The following FHIP1A variants were observed in gnomAD, a reference collection of about 807,000 sequenced individuals.
The protein encoded by FHIP1A is FHF complex subunit HOOK-interacting protein 1A.
A neutral mutation model predicts 88.6 loss-of-function variants in FHIP1A; 61 were observed. The ratio of observed to expected loss-of-function variants is 0.69; its 90% confidence interval spans 0.56 to 0.85. The LOEUF (loss-of-function observed/expected upper bound fraction) is 0.85. Ranked by LOEUF, FHIP1A falls within the 40% of genes least tolerant of loss-of-function variation. The pLI, the probability that FHIP1A is intolerant of heterozygous loss-of-function variation, is 0.00. For missense variants in FHIP1A, 1,154 were observed against 1,273.5 expected, an observed-to-expected ratio of 0.91 and a Z score of 1.43; for synonymous variants, 478 against 496.0, an observed-to-expected ratio of 0.96 and a Z score of 0.48.
intron 3 of FHIP1A, among the ~76,000 whole-genome samples, chr4:151,558,769 G>T (rs1289160498): frequency 6.6e-6 from 1 of 152,164 alleles, no homozygotes; most frequent in African/African-American, 2.4e-5. Context: ...GAACCCTAGG[G>T]TCCCTCAGAC....
intron 7 of FHIP1A, among the ~76,000 whole-genome samples, chr4:151,602,075 T>G (rs1194537479): frequency 1.3e-5 from 2 of 152,056 alleles, no homozygotes; most frequent in Non-Finnish European, 2.9e-5. Flanking sequence ...CATGATTCAT[T>G]TACCTCCCAC....
intron 5 of FHIP1A, 48 bp from the exon 6 acceptor site, chr4:151,586,593 T>G (rs2126805124): frequency 6.7e-7 from 1 of 1,482,048 alleles, no homozygotes; most frequent in East Asian, 2.5e-5. Flanking sequence ...TAATTGCAGG[T>G]TGAGAACTTT....
At chr4:151,651,006 A>T (rs1157213288) in intron 11 of FHIP1A, among the ~76,000 whole-genome samples, 3 of 152,086 alleles carry the variant, frequency 2.0e-5, no homozygotes, top group African/African-American at 7.2e-5. Flanking sequence ...GTGAGGGTGG[A>T]GCTCTTTCCC....
Position 151,545,470 on chromosome 4 carries a change from C to T in FHIP1A, c.-122-20668C>T, listed in dbSNP as rs546391671. On this transcript the variant is annotated intron_variant, in intron 3 of 13. Transcript: ENST00000435205. ...TCGGCTCACTGCAACCTCTGCCTCC[C>T]GGGTTCAAGCAATTCTCCTGCCTCA... Among the ~76,000 whole-genome samples the T allele has an allele frequency of 2.2e-3, 324 of 149,896 alleles. 2 individuals carry two copies. Among genetic ancestry groups the T allele is most frequent in the African/African-American group, 2.5e-3 (103 of 40,512 alleles).
At chr4:151,602,688 T>C (rs1734920624) in intron 7 of FHIP1A, among the ~76,000 whole-genome samples, 1 of 152,094 alleles carries the variant, frequency 6.6e-6, no homozygotes, top group Non-Finnish European at 1.5e-5. Context: ...AGGTGAACAT[T>C]GATATCCATA....
At chr4:151,536,647 T>C (rs1469482335) in intron 3 of FHIP1A, among the ~76,000 whole-genome samples, 1 of 152,194 alleles carries the variant, frequency 6.6e-6, no homozygotes, top group Non-Finnish European at 1.5e-5. Flanking sequence ...GTTCATTACT[T>C]TTTATTGCTG....
At chr4:151,582,753 A>AT (rs1421338580) in intron 5 of FHIP1A, among the ~76,000 whole-genome samples, 2 of 152,206 alleles carry the variant, frequency 1.3e-5, no homozygotes, top group Non-Finnish European at 2.9e-5. Context: ...ATGTTTTGCA[A>AT]TTTTTTTGTG....
At chr4:151,498,605 G>A (rs539925429) in intron 3 of FHIP1A, among the ~76,000 whole-genome samples, 36 of 152,222 alleles carry the variant, frequency 2.4e-4, no homozygotes, top group Non-Finnish European at 4.9e-4. Flanking sequence ...CACGAGGTCA[G>A]GAGATCGAGA....
At chr4:151,532,318 G>A (rs984604815) in intron 3 of FHIP1A, among the ~76,000 whole-genome samples, 8 of 152,156 alleles carry the variant, frequency 5.3e-5, no homozygotes, top group African/African-American at 1.9e-4. Flanking sequence ...TACATTAAGT[G>A]GGTCAAAAGC....
At chr4:151,448,896 C>T (rs370029297) in intron 1 of FHIP1A, among the ~76,000 whole-genome samples, 91 of 152,148 alleles carry the variant, frequency 6.0e-4, no homozygotes, top group African/African-American at 2.0e-3. Flanking sequence ...TTTTCCTTAC[C>T]GGCTGTACTA....
chr4:151,539,718 G>A (rs1003186413), intron 3 of FHIP1A, among the ~76,000 whole-genome samples: 3 of 152,104 alleles, frequency 2.0e-5, no homozygotes, highest in Non-Finnish European at 4.4e-5. Flanking sequence ...TATTTCCCAT[G>A]TGTGCTCAAG....
chr4:151,514,451 ATCAGAGCAGAAC>A (rs1731152163), intron 3 of FHIP1A, among the ~76,000 whole-genome samples: 1 of 151,602 alleles, frequency 6.6e-6, no homozygotes, highest in Non-Finnish European at 1.5e-5. Flanking sequence ...AATAACTAAA[ATCAGAGCAGAAC>A]TGAAGGAAAT....
chr4:151,411,125 G>A (rs1322731022), intron 1 of FHIP1A, among the ~76,000 whole-genome samples: 2 of 152,184 alleles, frequency 1.3e-5, no homozygotes, highest in Non-Finnish European at 2.9e-5. Context: ...AATAAAAGGA[G>A]TGTTTTATTT....
intron 5 of FHIP1A, among the ~76,000 whole-genome samples, chr4:151,578,643 G>C (rs1353638345): frequency 6.6e-6 from 1 of 152,186 alleles, no homozygotes; most frequent in Non-Finnish European, 1.5e-5. Flanking sequence ...ATTTGTTGCT[G>C]ATGGGAATGC....
intron 7 of FHIP1A, among the ~76,000 whole-genome samples, chr4:151,607,629 A>G (rs1560796491): frequency 6.6e-6 from 1 of 152,222 alleles, no homozygotes; most frequent in Non-Finnish European, 1.5e-5. Context: ...TTGAGTTAGC[A>G]AGACCTTGGT....
chr4:151,613,021 A>G (rs1735384234), intron 7 of FHIP1A, among the ~76,000 whole-genome samples: 2 of 152,242 alleles, frequency 1.3e-5, no homozygotes, highest in Non-Finnish European at 2.9e-5. Flanking sequence ...TAACTGGATC[A>G]GGAAAGGCAT....
chr4:151,473,863 G>A (rs571875472), intron 2 of FHIP1A, among the ~76,000 whole-genome samples: 51 of 152,302 alleles, frequency 3.3e-4, no homozygotes, highest in African/African-American at 1.2e-3. Context: ...CTTGACCAAG[G>A]TGAGAATTTG....
chr4:151,594,121 G>A lies in FHIP1A; in HGVS notation c.978+5195G>A, dbSNP rs190577625. ...TCCCAGGGATGAAGCTGACTTGATCGTGGTGGATAAGCTTTTTGATGTGCT... is the reference window on the plus strand; with the variant it reads ...TCCCAGGGATGAAGCTGACTTGATCATGGTGGATAAGCTTTTTGATGTGCT... On this transcript the variant is annotated intron_variant, in intron 7 of 13. Transcript: ENST00000435205. 7.4e-4 allele frequency among the ~76,000 whole-genome samples: 112 copies of A among 152,296 alleles called. 3 individuals are homozygous for A. The East Asian group carries it at 0.019, about 25-fold the overall frequency.
chr4:151,588,401 C>T (rs1734298022), intron 6 of FHIP1A, among the ~76,000 whole-genome samples: 1 of 151,990 alleles, frequency 6.6e-6, no homozygotes, highest in Non-Finnish European at 1.5e-5. Context: ...ATTGTTTTGA[C>T]AGTTATACTC....
Sources: gnomAD v4.1 joint callset for allele counts (sites outside exome capture counted in the v4.1 genomes callset) on GRCh38, gnomAD v4.1.1 for gene constraint, MANE v1.5 for transcripts, NCBI Gene and HGNC (gene_info 2026-07-23, HGNC 2026-07-21) for gene names.